NTM: variants seen among roughly 807,000 people sequenced by gnomAD.
NTM encodes IgLON family member 2.
A neutral mutation model predicts 42.1 loss-of-function variants in NTM; 13 were observed. That is an observed-to-expected ratio of 0.31 (90% CI 0.20 to 0.49). NTM has a LOEUF of 0.49. Among genes scored for constraint, NTM ranks in the 20% least tolerant of loss-of-function variants. The pLI, the probability that NTM is intolerant of heterozygous loss-of-function variation, is 0.99. For missense variants in NTM, 373 were observed against 452.8 expected, an observed-to-expected ratio of 0.82 and a Z score of 1.60; for synonymous variants, 187 against 179.2, an observed-to-expected ratio of 1.04 and a Z score of -0.35.
chr11:132,252,652 A>G (rs2092075688), intron 4 of NTM, among the ~76,000 whole-genome samples: 1 of 152,192 alleles, frequency 6.6e-6, no homozygotes. Flanking sequence ...ACTTCTTGGT[A>G]ATTATAGATG....
At chr11:132,091,069 C>G (rs1464801228) in intron 2 of NTM, among the ~76,000 whole-genome samples, 1 of 152,114 alleles carries the variant, frequency 6.6e-6, no homozygotes, top group African/African-American at 2.4e-5. Context: ...CTTTGGCAAA[C>G]TCTTTCTAGG....
chr11:132,120,102 G>A lies in NTM; in HGVS notation c.168-26180G>A, dbSNP rs567309476. ...TTGCCTTCCCTCCCAGTCACAGCTT[G>A]GTTCTACAGCTCGGCTGATGATTTT... On this transcript the variant is annotated intron_variant, in intron 2 of 8. Transcript: ENST00000683400. 3.4e-5 allele frequency among the ~76,000 whole-genome samples: 5 copies of A among 149,088 alleles called. No individual in the cohort carries two copies. In the South Asian group the frequency reaches 1.1e-3, roughly 32 times the overall value.
rs527394754 is a variant in NTM at position 131,581,178 on chromosome 11, C to G, written c.82+210290C>G. Among the ~76,000 whole-genome samples the G allele has an allele frequency of 6.9e-4, 105 of 152,316 alleles. 1 individual carries two copies. Among genetic ancestry groups the G allele is most frequent in the African/African-American group, 2.5e-3 (102 of 41,562 alleles). ...TCAGAGAGACAGAAGAGCTCTTTTC[C>G]CCTTGGTGGGCGGAGCCCACTGCTC... is the stretch of plus-strand genomic sequence containing the variant. On this transcript the variant is annotated intron_variant, in intron 1 of 8. Coordinates refer to ENST00000683400, the MANE Select transcript of NTM (RefSeq NM_001352005.2).
At chr11:131,926,371 C>A (rs920515662) in intron 2 of NTM, among the ~76,000 whole-genome samples, 1 of 152,074 alleles carries the variant, frequency 6.6e-6, no homozygotes, top group Non-Finnish European at 1.5e-5. Flanking sequence ...AGGAAGTAAA[C>A]TGTAGGTTAG....
At chr11:132,138,580 A>ATCATCTATCTG (rs2068423911) in intron 2 of NTM, among the ~76,000 whole-genome samples, 1 of 33,470 alleles carries the variant, frequency 3.0e-5, no homozygotes, top group Non-Finnish European at 1.2e-4. Flanking sequence ...CTATCTATCT[A>ATCATCTATCTG]TCTATCTATC....
At chr11:132,173,814 C>A (rs2076418639) in intron 3 of NTM, among the ~76,000 whole-genome samples, 1 of 152,200 alleles carries the variant, frequency 6.6e-6, no homozygotes, top group South Asian at 2.1e-4. Context: ...CTTCCACTCT[C>A]TTGTTCTTCT....
At chr11:132,331,801 G>GAAGAA (rs2095804929) in intron 8 of NTM, among the ~76,000 whole-genome samples, 3 of 152,350 alleles carry the variant, frequency 2.0e-5, no homozygotes, top group Admixed American at 2.0e-4. Flanking sequence ...GAGCTGGAAT[G>GAAGAA]AAGAATAAGA....
chr11:132,314,592 C>CCTTTCCTCTCAAAACTCATCTTCT lies in NTM; in HGVS notation c.824_847dup (p.Phe282_Phe283insSerPheLeuSerLysLeuIlePhe). 1 of 1,613,548 alleles carries CCTTTCCTCTCAAAACTCATCTTCT rather than the reference C, an allele frequency of 6.2e-7. No homozygotes were observed. Among genetic ancestry groups the CCTTTCCTCTCAAAACTCATCTTCT allele is most frequent in the Non-Finnish European group, 8.5e-7 (1 of 1,179,690 alleles). On this transcript the variant is annotated inframe_insertion, in exon 7 of 9. Coordinates refer to ENST00000683400, the MANE Select transcript of NTM (RefSeq NM_001352005.2). ...GAAAGGGGTGAAAGTGGAAAACAGA[C>CCTTTCCTCTCAAAACTCATCTTCT]CTTTCCTCTCAAAACTCATCTTCTT...
In NTM at chr11:132,314,835, AAG is replaced by A. The variant is rs966350276; in HGVS notation, c.934+140_934+141del. On this transcript the variant is annotated intron_variant, in intron 7 of 8. Transcript: ENST00000683400. ...GTGGACATGGAGAGGGAGGAAAAAAAAGAGAGAGACACAGAAAGAAATGGAGA... is the reference window on the plus strand; with the variant it reads ...GTGGACATGGAGAGGGAGGAAAAAAAAGAGAGACACAGAAAGAAATGGAGA... 3.1e-5 allele frequency: 43 copies of A among 1,400,978 alleles called. No individual in the cohort carries two copies. The East Asian group carries it at 3.1e-4, about 10-fold the overall frequency. 86.8% of individuals were successfully genotyped at this position (1,400,978 alleles called of 1,614,324 possible).
In NTM at chr11:131,375,560, T is replaced by C. The variant is rs193268054; in HGVS notation, c.82+4672T>C. Among the ~76,000 whole-genome samples, 305 of 152,256 alleles carry C rather than the reference T, an allele frequency of 2.0e-3. 4 individuals are homozygous for C. Among genetic ancestry groups the C allele is most frequent in the African/African-American group, 6.9e-3 (287 of 41,540 alleles). ...GTGCACTGGGGAAGGGCAGAAGGGCTTTAGAAGGCACTTGCAGGGAGCATG... is the reference window on the plus strand; with the variant it reads ...GTGCACTGGGGAAGGGCAGAAGGGCCTTAGAAGGCACTTGCAGGGAGCATG... On this transcript the variant is annotated intron_variant, in intron 1 of 8. Coordinates refer to ENST00000683400, the MANE Select transcript of NTM (RefSeq NM_001352005.2).
At chr11:132,205,432 C>A (rs2081847805) in intron 3 of NTM, among the ~76,000 whole-genome samples, 1 of 152,216 alleles carries the variant, frequency 6.6e-6, no homozygotes, top group African/African-American at 2.4e-5. Context: ...CCTCAGAATA[C>A]TGTTTTAATA....
At chr11:131,789,601 GA>G (rs1565552558) in intron 1 of NTM, among the ~76,000 whole-genome samples, 1 of 80,644 alleles carries the variant, frequency 1.2e-5, no homozygotes, top group Non-Finnish European at 2.4e-5. Flanking sequence ...AGAAGAAGAA[GA>G]AGAAGAAGAA....
intron 1 of NTM, among the ~76,000 whole-genome samples, chr11:131,659,569 G>A (rs1026423207): frequency 6.6e-6 from 1 of 152,254 alleles, no homozygotes; most frequent in East Asian, 1.9e-4. Flanking sequence ...GAGAGAAAAA[G>A]TAGTCATCCT....
rs568049362 is a variant in NTM, at chr11:131,832,870, C to T, written c.83-78694C>T. Among the ~76,000 whole-genome samples the T allele has an allele frequency of 9.2e-5, 14 of 152,262 alleles. 2 individuals are homozygous for T. The East Asian group carries it at 2.1e-3, about 23-fold the overall frequency. The stretch of plus-strand genomic sequence containing the variant: ...CGCTTTAAAAACTGTTAAGTTCTAT[C>T]CAAATGATAAGCTAATTTTAAAATA... On this transcript the variant is annotated intron_variant, in intron 1 of 8. Coordinates refer to ENST00000683400, the MANE Select transcript of NTM (RefSeq NM_001352005.2).
chr11:131,934,756 G>C (rs556113310), intron 2 of NTM, among the ~76,000 whole-genome samples: 1 of 152,152 alleles, frequency 6.6e-6, no homozygotes, highest in African/African-American at 2.4e-5. Flanking sequence ...GCAGGACACC[G>C]CAGGGAGCAA....
intron 2 of NTM, among the ~76,000 whole-genome samples, chr11:131,963,973 G>A (rs746696533): frequency 2.6e-5 from 4 of 152,160 alleles, no homozygotes; most frequent in South Asian, 2.1e-4. Context: ...AACTAAGTAC[G>A]CTAGTTATAC....
chr11:131,805,434 G>A (rs2092424773), intron 1 of NTM, among the ~76,000 whole-genome samples: 1 of 152,170 alleles, frequency 6.6e-6, no homozygotes, highest in Non-Finnish European at 1.5e-5. Context: ...TGTGATGTGT[G>A]TGTGTAAGTG....
At chr11:132,238,653 G>A (rs946925403) in intron 4 of NTM, among the ~76,000 whole-genome samples, 3 of 152,094 alleles carry the variant, frequency 2.0e-5, no homozygotes, top group Admixed American at 1.3e-4. Context: ...GTGGACTCGC[G>A]GAGCTCATTG....
intron 1 of NTM, among the ~76,000 whole-genome samples, chr11:131,626,001 G>A (rs186870487): frequency 3.0e-4 from 45 of 152,258 alleles, no homozygotes; most frequent in African/African-American, 1.0e-3. Flanking sequence ...GCTTTTATCT[G>A]TGGCACGTGG....
Sources: gnomAD v4.1 joint callset for allele counts (sites outside exome capture counted in the v4.1 genomes callset) on GRCh38, gnomAD v4.1.1 for gene constraint, MANE v1.5 for transcripts, NCBI Gene and HGNC (gene_info 2026-07-23, HGNC 2026-07-21) for gene names.